Variants in KDM2A observed in about 807,000 individuals in gnomAD.
KDM2A encodes lysine-specific demethylase 2A.
KDM2A carries 3 observed loss-of-function variants against 137.3 expected under a neutral mutation model. The observed-to-expected ratio is 0.02, with a 90% CI of 0.01 to 0.06. The LOEUF (loss-of-function observed/expected upper bound fraction) is 0.06, where lower values mean the gene tolerates loss of function less well. Ranked by LOEUF, KDM2A falls within the 10% of genes least tolerant of loss-of-function variation. The pLI is 1.00. For synonymous variants in KDM2A, 512 were observed against 541.5 expected (o/e 0.95, Z 0.76); for missense variants, 738 against 1,510.6 (o/e 0.49, Z 8.48).
At chr11:67,244,586 G>A (rs1053922276) in intron 13 of KDM2A, among the ~76,000 whole-genome samples, 2 of 152,174 alleles carry the variant, frequency 1.3e-5, no homozygotes, top group Non-Finnish European at 2.9e-5. Context: ...AAAGGGCTAG[G>A]ACAAGGGCTG....
At chr11:67,166,713 G>A (rs540145432) in intron 2 of KDM2A, among the ~76,000 whole-genome samples, 1 of 151,892 alleles carries the variant, frequency 6.6e-6, no homozygotes, top group South Asian at 2.1e-4. Context: ...GCATCAATAT[G>A]GTGACCTCCC....
In KDM2A at chr11:67,207,495, C is replaced by A; in HGVS notation, c.308-15C>A. 1.3e-6 allele frequency: 2 copies of A among 1,571,176 alleles called. No homozygotes were observed. The highest frequency in any genetic ancestry group is 1.7e-6 in the Non-Finnish European group (2 of 1,151,704). On this transcript the variant is annotated splice_polypyrimidine_tract_variant and intron_variant, in intron 5 of 20. Transcript: ENST00000529006. ...AGTGGCTCGATAGAGATGATCGATG[C>A]ATCTTTTATGGCAGGGAGTCGTCGC...
intron 2 of KDM2A, among the ~76,000 whole-genome samples, chr11:67,126,580 C>T (rs1051340794): frequency 3.3e-4 from 49 of 150,606 alleles, no homozygotes; most frequent in African/African-American, 1.1e-3. Flanking sequence ...TGGTGGCAGG[C>T]GCCTGTAGTC....
At chr11:67,151,849 A>G (rs530983584) in intron 2 of KDM2A, among the ~76,000 whole-genome samples, 1 of 152,070 alleles carries the variant, frequency 6.6e-6, no homozygotes. Context: ...GGCTTAAGCA[A>G]TTCTCTTACC....
At chr11:67,222,059 C>CTTTTTTTTTTTTTTTTTTTTTTATTTT (rs11373238) in intron 10 of KDM2A, among the ~76,000 whole-genome samples, 13 of 110,476 alleles carry the variant, frequency 1.2e-4, no homozygotes, top group South Asian at 6.3e-4. Context: ...CTCTGTCATT[C>CTTTTTTTTTTTTTTTTTTTTTTATTTT]TTTTTTTTTT....
intron 2 of KDM2A, among the ~76,000 whole-genome samples, chr11:67,168,753 AAGAAGAAAATGAAAGC>A (rs1364819271): frequency 6.6e-6 from 1 of 152,164 alleles, no homozygotes; most frequent in East Asian, 1.9e-4. Context: ...AAAGGTTGCA[AAGAAGAAAATGAAAGC>A]AACAGCGTTT....
chr11:67,143,024 T>C (rs1856151258), intron 2 of KDM2A, among the ~76,000 whole-genome samples: 1 of 148,478 alleles, frequency 6.7e-6, no homozygotes, highest in African/African-American at 2.5e-5. Flanking sequence ...TCTATTCTTT[T>C]TTTTTTTTTT....
intron 2 of KDM2A, among the ~76,000 whole-genome samples, chr11:67,169,065 C>T (rs1222198807): frequency 2.1e-5 from 3 of 146,300 alleles, no homozygotes; most frequent in Admixed American, 7.1e-5. Context: ...AAGCGATTCT[C>T]TTGCCTCAGC....
intron 2 of KDM2A, among the ~76,000 whole-genome samples, chr11:67,123,397 G>C (rs1337379661): frequency 6.7e-6 from 1 of 148,196 alleles, no homozygotes; most frequent in African/African-American, 2.5e-5. Flanking sequence ...CTTGTTCCCA[G>C]TTCATGTGTT....
chr11:67,221,340 AG>A (rs1565411067), intron 10 of KDM2A, among the ~76,000 whole-genome samples: 1 of 152,266 alleles, frequency 6.6e-6, no homozygotes, highest in Non-Finnish European at 1.5e-5. Context: ...AGAAGAGTGT[AG>A]AACTATTAAT....
At chr11:67,167,621 TA>T (rs1210434613) in intron 2 of KDM2A, among the ~76,000 whole-genome samples, 1 of 151,982 alleles carries the variant, frequency 6.6e-6, no homozygotes, top group Non-Finnish European at 1.5e-5. Flanking sequence ...ACTGACTAAA[TA>T]TTTTTTTTTA....
intron 2 of KDM2A, among the ~76,000 whole-genome samples, chr11:67,157,252 G>A (rs1012122179): frequency 1.1e-4 from 16 of 149,252 alleles, no homozygotes; most frequent in Non-Finnish European, 8.9e-5. Context: ...GGCGGAGCTG[G>A]CAGTGAGCCA....
chr11:67,236,891 T>C (rs1340318486), intron 12 of KDM2A, among the ~76,000 whole-genome samples: 1 of 152,158 alleles, frequency 6.6e-6, no homozygotes, highest in Non-Finnish European at 1.5e-5. Flanking sequence ...CATGCCGTGG[T>C]CCTAGCCCTC....
In KDM2A at chr11:67,142,479, T is replaced by C. The variant is rs971945233; in HGVS notation, c.42+21121T>C. Among the ~76,000 whole-genome samples the C allele has an allele frequency of 4.1e-5, 6 of 148,028 alleles. No individual in the cohort carries two copies. In the South Asian group the frequency reaches 1.3e-3, roughly 31 times the overall value. On this transcript the variant is annotated intron_variant, in intron 2 of 20. Transcript: ENST00000529006. ...TAGCCTGGCCAAGATGGTGAAACCCTGCCTCTACTAAAAATACAGAAATTA... is the reference window on the plus strand; with the variant it reads ...TAGCCTGGCCAAGATGGTGAAACCCCGCCTCTACTAAAAATACAGAAATTA...
At chr11:67,140,884 G>A (rs186351579) in intron 2 of KDM2A, among the ~76,000 whole-genome samples, 2 of 152,242 alleles carry the variant, frequency 1.3e-5, no homozygotes, top group Non-Finnish European at 2.9e-5. Flanking sequence ...CTGGGTTAAC[G>A]TCATGAGGTA....
chr11:67,226,243 C>A (rs1003052416), intron 10 of KDM2A, among the ~76,000 whole-genome samples: 1 of 151,450 alleles, frequency 6.6e-6, no homozygotes, highest in African/African-American at 2.4e-5. Flanking sequence ...GGTGACAGAG[C>A]GAGATTCCAT....
At chr11:67,197,218 G>C (rs1857504962) in intron 5 of KDM2A, 2 of 151,258 alleles carry the variant, frequency 1.3e-5, no homozygotes. Context: ...TTGTCACCCA[G>C]GCTGGAGTGC....
Position 67,181,327 on chromosome 11 carries a change from T to C in KDM2A, c.189T>C (p.Asn63=). Residue 63 remains asparagine, a synonymous_variant, in exon 4 of 21, where the codon AAT becomes AAC. Coordinates refer to ENST00000529006, the MANE Select transcript of KDM2A (RefSeq NM_012308.3). ...FVTFMEGKDF[N]VEYIQRGGLR... ...ATTTTCCTATGGTGACAGATTTTAA[T>C]GTAGAGTATATTCAGCGGGGTGGCT... The C allele has an allele frequency of 6.2e-7, 1 of 1,604,792 alleles. No homozygotes were observed. The highest frequency in any genetic ancestry group is 8.5e-7 in the Non-Finnish European group (1 of 1,172,602).
Position 67,250,637 on chromosome 11 carries a change from T to C in KDM2A, c.2607T>C (p.Ser869=). The C allele has an allele frequency of 1.9e-6, 3 of 1,611,530 alleles. No homozygotes were observed. In the South Asian group the frequency reaches 3.3e-5, roughly 18 times the overall value. The stretch of plus-strand genomic sequence containing the variant: ...AGGAGGAGGAGGAGGAAGATGACAG[T>C]GCAGAGGAGGGGGGTGCAGCCAGGC... The part of the protein sequence containing the change: ...EEEEEEEEDD[S]AEEGGAARLN... Residue 869 remains serine, a synonymous_variant, in exon 17 of 21, where the codon AGT becomes AGC. Coordinates refer to ENST00000529006, the MANE Select transcript of KDM2A (RefSeq NM_012308.3). The surrounding 1 kb of genome is among the most constrained non-coding windows in gnomAD (Gnocchi z 7.1).
Sources: gnomAD v4.1 joint callset for allele counts (sites outside exome capture counted in the v4.1 genomes callset) on GRCh38, gnomAD v4.1.1 for gene constraint, Gnocchi (gnomAD v3.1) non-coding constraint, MANE v1.5 for transcripts, NCBI Gene and HGNC (gene_info 2026-07-23, HGNC 2026-07-21) for gene names.